Variants in SAMSN1 observed in about 807,000 individuals in gnomAD.
The protein encoded by SAMSN1 is SAM domain, SH3 domain and nuclear localization signals 1.
Under a neutral mutation model 42.0 loss-of-function variants are expected in SAMSN1, and 31 were observed. The observed-to-expected ratio is 0.74, with a 90% confidence interval of 0.55 to 1.00. The LOEUF (loss-of-function observed/expected upper bound fraction) is 1.00, where lower values mean the gene tolerates loss of function less well. Among genes scored for constraint, SAMSN1 ranks in the 50% least tolerant of loss-of-function variants. The pLI is 0.00. For missense variants in SAMSN1, 464 were observed against 439.4 expected (o/e 1.06, Z -0.50); for synonymous variants, 178 against 151.9 (o/e 1.17, Z -1.26).
chr21:14,654,291 C>T (rs1983880120), intron 1 of SAMSN1, among the ~76,000 whole-genome samples: 1 of 151,944 alleles, frequency 6.6e-6, no homozygotes, highest in African/African-American at 2.4e-5. Context: ...TTTGCTGTTT[C>T]CGCTTTTAAG....
At chr21:14,640,981 A>T (rs1009678984) in intron 2 of SAMSN1, among the ~76,000 whole-genome samples, 3 of 142,950 alleles carry the variant, frequency 2.1e-5, no homozygotes, top group African/African-American at 7.7e-5. Flanking sequence ...TGGCCATGAA[A>T]TGGTTTGGTT....
chr21:14,648,805 C>G (rs1051524045), intron 1 of SAMSN1, among the ~76,000 whole-genome samples: 38 of 152,180 alleles, frequency 2.5e-4, no homozygotes, highest in Admixed American at 2.3e-3. Flanking sequence ...AATAGGAACA[C>G]TTTTACACTG....
At chr21:14,528,442 C>T (rs1486323366) in intron 1 of SAMSN1, among the ~76,000 whole-genome samples, 1 of 152,158 alleles carries the variant, frequency 6.6e-6, no homozygotes. Context: ...GCACCCTCTG[C>T]CTGCCTCTGG....
chr21:14,510,005 G>T (rs191876405), intron 5 of SAMSN1, among the ~76,000 whole-genome samples: 1 of 152,222 alleles, frequency 6.6e-6, no homozygotes, highest in East Asian at 1.9e-4. Flanking sequence ...CGGGCGTGGT[G>T]GCGGGCGCCT....
chr21:14,508,363 A>T lies in SAMSN1; in HGVS notation c.561+1947T>A, dbSNP rs180897783. Reference sequence around the variant, plus strand: ...AATGAACTCAAATCAACAAGAAAAAAAAACAAACAATCCCATCAAAAAGTA... The same window carrying T: ...AATGAACTCAAATCAACAAGAAAAATAAACAAACAATCCCATCAAAAAGTA... On this transcript the variant is annotated intron_variant, in intron 5 of 7. Coordinates refer to ENST00000400566, the MANE Select transcript of SAMSN1 (RefSeq NM_022136.5). Among the ~76,000 whole-genome samples the T allele has an allele frequency of 3.3e-4, 51 of 152,288 alleles. No homozygotes were observed. In the East Asian group the frequency reaches 9.3e-3, roughly 28 times the overall value.
chr21:14,623,354 C>T (rs951041629), intron 2 of SAMSN1, among the ~76,000 whole-genome samples: 2 of 152,004 alleles, frequency 1.3e-5, no homozygotes, highest in African/African-American at 2.4e-5. Context: ...GACCCATCAG[C>T]GTCAGTGTGC....
chr21:14,491,262 C>T (rs1444500840), intron 7 of SAMSN1, among the ~76,000 whole-genome samples: 1 of 149,674 alleles, frequency 6.7e-6, no homozygotes, highest in Non-Finnish European at 1.5e-5. Flanking sequence ...ATCACTCTGG[C>T]TTTCCCTTTT....
At chr21:14,601,706 A>G (rs1982436146) in intron 6 of SAMSN1, among the ~76,000 whole-genome samples, 1 of 152,204 alleles carries the variant, frequency 6.6e-6, no homozygotes, top group Non-Finnish European at 1.5e-5. Context: ...ATGTTTTTAT[A>G]TAAGTGTTTA....
At chr21:14,520,915 A>G (rs1978421957) in intron 2 of SAMSN1, among the ~76,000 whole-genome samples, 1 of 150,108 alleles carries the variant, frequency 6.7e-6, no homozygotes. Context: ...ACCCTGCCCT[A>G]CTCACCCTAC....
At chr21:14,623,837 C>G (rs1270249071) in intron 2 of SAMSN1, among the ~76,000 whole-genome samples, 1 of 152,150 alleles carries the variant, frequency 6.6e-6, no homozygotes, top group African/African-American at 2.4e-5. Context: ...TTTTCAGCAC[C>G]ACACCACACC....
intron 2 of SAMSN1, among the ~76,000 whole-genome samples, chr21:14,642,561 T>C (rs901385066): frequency 6.6e-6 from 1 of 152,204 alleles, no homozygotes; most frequent in African/African-American, 2.4e-5. Flanking sequence ...GCATTTACAC[T>C]GTGGAAATTG....
intron 2 of SAMSN1, among the ~76,000 whole-genome samples, chr21:14,563,996 G>A (rs962021548): frequency 6.6e-6 from 1 of 152,108 alleles, no homozygotes; most frequent in East Asian, 1.9e-4. Context: ...ACACCTACTG[G>A]CATTCATTCA....
At chr21:14,653,189 A>G (rs1983862992) in intron 1 of SAMSN1, among the ~76,000 whole-genome samples, 1 of 151,862 alleles carries the variant, frequency 6.6e-6, no homozygotes, top group African/African-American at 2.4e-5. Flanking sequence ...TGCTGGGTAT[A>G]TACTTCCCAA....
At chr21:14,577,258 ATATATATATATATATATATATATATAT>A (rs1230407873) in intron 2 of SAMSN1, among the ~76,000 whole-genome samples, 1,713 of 43,154 alleles carry the variant, frequency 0.04, 223 homozygotes, top group African/African-American at 0.2. Context: ...ATATATATAT[ATATATATATATATATATATATATATAT>A]TTTTTTTTTA....
intron 1 of SAMSN1, among the ~76,000 whole-genome samples, chr21:14,647,894 A>G (rs78130240): frequency 2.0e-5 from 3 of 151,514 alleles, no homozygotes; most frequent in African/African-American, 2.4e-5. Flanking sequence ...GGGCTGAGAC[A>G]ATGGAGTTTT....
At chr21:14,538,464 T>TG (rs1263169539) in intron 1 of SAMSN1, among the ~76,000 whole-genome samples, 2 of 152,174 alleles carry the variant, frequency 1.3e-5, no homozygotes, top group African/African-American at 2.4e-5. Flanking sequence ...GTCTACCTCC[T>TG]GGGGTTTTGA....
chr21:14,556,620 A>C (rs1369237531), intron 2 of SAMSN1, among the ~76,000 whole-genome samples: 1 of 152,198 alleles, frequency 6.6e-6, no homozygotes, highest in Non-Finnish European at 1.5e-5. Context: ...AAATAGATGC[A>C]CATTGCCTTC....
At chr21:14,526,321 C>A (rs937376650) in intron 1 of SAMSN1, among the ~76,000 whole-genome samples, 1 of 152,160 alleles carries the variant, frequency 6.6e-6, no homozygotes, top group Admixed American at 6.5e-5. Context: ...TAAATATGTG[C>A]CCTTGGATTG....
chr21:14,529,607 C>A (rs577778929), intron 1 of SAMSN1, among the ~76,000 whole-genome samples: 2 of 152,180 alleles, frequency 1.3e-5, no homozygotes, highest in East Asian at 3.9e-4. Context: ...AAGAATCAAC[C>A]GTGAGAGAAA....
Sources: gnomAD v4.1 joint callset for allele counts (sites outside exome capture counted in the v4.1 genomes callset) on GRCh38, gnomAD v4.1.1 for gene constraint, MANE v1.5 for transcripts, NCBI Gene and HGNC (gene_info 2026-07-23, HGNC 2026-07-21) for gene names.